Variants in EHD3 observed in about 807,000 individuals in gnomAD.
EHD3 encodes the protein EH domain-containing protein 3.
Under a neutral mutation model 43.0 loss-of-function variants are expected in EHD3, and 17 were observed. The observed-to-expected ratio is 0.40, with a 90% confidence interval of 0.27 to 0.59. The LOEUF is 0.59. Among genes scored for constraint, EHD3 ranks in the 20% least tolerant of loss-of-function variants. The probability of loss-of-function intolerance (pLI) is 0.49; values close to 1 mark genes in which losing one functional copy is unlikely to be tolerated. For synonymous variants in EHD3, 313 were observed against 289.5 expected (o/e 1.08, Z -0.82); for missense variants, 594 against 705.6 (o/e 0.84, Z 1.79).
At chr2:31,257,213 T>G (rs1362632536) in intron 3 of EHD3, among the ~76,000 whole-genome samples, 1 of 152,212 alleles carries the variant, frequency 6.6e-6, no homozygotes, top group African/African-American at 2.4e-5. Context: ...CTTAGCCCTC[T>G]GGCCCCTCCC....
chr2:31,250,117 C>T (rs907005614), intron 3 of EHD3, among the ~76,000 whole-genome samples: 2 of 122 alleles, frequency 0.016, no homozygotes, highest in Non-Finnish European at 0.029. Flanking sequence ...GCGGTGGGGG[C>T]GGGTGGGGTG....
chr2:31,266,761 T>TACACAC lies in EHD3; in HGVS notation c.*85_*90dup, dbSNP rs67643147. On this transcript the variant is annotated 3_prime_UTR_variant, in exon 6 of 6. Transcript: ENST00000322054. This position sits in a 1 kb window ranked among gnomAD's most constrained non-coding sequence, Gnocchi z 5.1. ...TAGAGGAGGAGATGGGAGCGGTGACTACACACACACACACACACACACACA... is the reference window on the plus strand; with the variant it reads ...TAGAGGAGGAGATGGGAGCGGTGACTACACACACACACACACACACACACACACACA... 42,056 of 1,175,668 alleles carry TACACAC rather than the reference T, an allele frequency of 0.036. 265 individuals are homozygous for TACACAC. Among genetic ancestry groups the TACACAC allele is most frequent in the African/African-American group, 0.047 (2,865 of 61,390 alleles). 72.8% of individuals were successfully genotyped at this position (1,175,668 alleles called of 1,614,324 possible).
chr2:31,265,916 T>A (rs1306263719), intron 5 of EHD3, among the ~76,000 whole-genome samples: 1 of 152,106 alleles, frequency 6.6e-6, no homozygotes, highest in African/African-American at 2.4e-5. Flanking sequence ...CTTGTTAAAT[T>A]TCCCTTTCTT....
rs1684008181 is a variant in EHD3, at chr2:31,269,201, T to C, written c.*2497T>C. ...GTCATGTCAGCCCCACAGACAAGAA[T>C]TTCTAGAGCACTTGTCCTGTTGTTC... On this transcript the variant is annotated 3_prime_UTR_variant, in exon 6 of 6. Transcript: ENST00000322054. 1 of 152,166 alleles carries C rather than the reference T, an allele frequency of 6.6e-6. No individual in the cohort carries two copies. The highest frequency in any genetic ancestry group is 1.5e-5 in the Non-Finnish European group (1 of 68,034). The allele number at this position is 152,166 out of a possible 1,614,324, so 9.4% of individuals were successfully genotyped here.
intron 3 of EHD3, among the ~76,000 whole-genome samples, chr2:31,259,163 A>G (rs1443715): frequency 0.68 from 102,871 of 152,018 alleles, 35,579 homozygotes; most frequent in East Asian, 0.88. Flanking sequence ...TTAGTACCCA[A>G]GAAAGGGCTC....
rs551785674 is a variant in EHD3, at chr2:31,268,008, A to C, written c.*1304A>C. Reference sequence around the variant, plus strand: ...CCTGTCCCTGCTCTGCCTCCCACCCAGTTGCCTGAATCATCCCAGCTCAGA... The same window carrying C: ...CCTGTCCCTGCTCTGCCTCCCACCCCGTTGCCTGAATCATCCCAGCTCAGA... On this transcript the variant is annotated 3_prime_UTR_variant, in exon 6 of 6. Coordinates refer to ENST00000322054, the MANE Select transcript of EHD3 (RefSeq NM_014600.3). The C allele has an allele frequency of 1.7e-4, 26 of 152,804 alleles. 1 individual carries two copies. The allele number at this position is 152,804 out of a possible 1,614,324, so 9.5% of individuals were successfully genotyped here. A position where few individuals can be genotyped will look rare whatever the true frequency, so the allele number is the denominator to read the frequency against.
chr2:31,249,123 A>G (rs1396822505), intron 2 of EHD3, among the ~76,000 whole-genome samples: 1 of 152,204 alleles, frequency 6.6e-6, no homozygotes, highest in African/African-American at 2.4e-5. Flanking sequence ...CTGGTCACAC[A>G]GCATTTTACC....
At position 31,268,532 on chromosome 2, in the gene EHD3, C is replaced by T. The variant is rs1024261986; in HGVS notation, c.*1828C>T. 13 of 152,246 alleles carry T rather than the reference C, an allele frequency of 8.5e-5. No homozygotes were observed. The highest frequency in any genetic ancestry group is 1.5e-4 in the Non-Finnish European group (10 of 68,068). The allele number at this position is 152,246 out of a possible 1,614,324, so 9.4% of individuals were successfully genotyped here. A position where few individuals can be genotyped will look rare whatever the true frequency, so the allele number is the denominator to read the frequency against. The stretch of plus-strand genomic sequence containing the variant: ...TGGCCAGCATCCACAACCAGCTTCC[C>T]AGTGGGCTGGAGTTTGTCTAGGCTC... On this transcript the variant is annotated 3_prime_UTR_variant, in exon 6 of 6. Transcript: ENST00000322054.
Position 31,266,795 on chromosome 2 carries a change from A to AC in EHD3, c.*91_*92insC. ...ACACACACACACACACACACACACA[A>AC]ACATGCACACACACATATGCATATC... On this transcript the variant is annotated 3_prime_UTR_variant, in exon 6 of 6. Transcript: ENST00000322054. The surrounding 1 kb of genome is among the most constrained non-coding windows in gnomAD (Gnocchi z 5.1). 7 of 1,034,822 alleles carry AC rather than the reference A, an allele frequency of 6.8e-6. No individual in the cohort carries two copies. Among genetic ancestry groups the AC allele is most frequent in the Non-Finnish European group, 9.5e-6 (7 of 738,572 alleles). 64.1% of individuals were successfully genotyped at this position (1,034,822 alleles called of 1,614,324 possible).
intron 2 of EHD3, among the ~76,000 whole-genome samples, chr2:31,248,339 G>T (rs1297383037): frequency 6.6e-6 from 1 of 152,152 alleles, no homozygotes; most frequent in Non-Finnish European, 1.5e-5. Context: ...TCCTCCTCCA[G>T]GAAGCCCTCC....
At chr2:31,257,698 C>A (rs917234525) in intron 3 of EHD3, among the ~76,000 whole-genome samples, 1 of 152,098 alleles carries the variant, frequency 6.6e-6, no homozygotes, top group Non-Finnish European at 1.5e-5. Flanking sequence ...GGCTAGGGGT[C>A]GTGTCTCATG....
chr2:31,234,620 C>G lies in EHD3; in HGVS notation c.-2C>G. 6.2e-7 allele frequency: 1 copy of G among 1,613,300 alleles called. No homozygotes were observed. Among genetic ancestry groups the G allele is most frequent in the Non-Finnish European group, 8.5e-7 (1 of 1,179,884 alleles). On this transcript the variant is annotated 5_prime_UTR_variant, in exon 1 of 6. Coordinates refer to ENST00000322054, the MANE Select transcript of EHD3 (RefSeq NM_014600.3). ...GCGTGCCGGGGGCGAGCGGCGGCCG[C>G]GATGTTCAGCTGGCTGGGTACGGAC...
In EHD3 at chr2:31,234,482, G is replaced by A. The variant is rs934709234; in HGVS notation, c.-140G>A. ...TCCCGGCCCTCCTAGCCGCGTGCCC[G>A]GGCCATGGTGCGGCTGAGCCCCGCG... is the stretch of plus-strand genomic sequence containing the variant. On this transcript the variant is annotated 5_prime_UTR_variant, in exon 1 of 6. Coordinates refer to ENST00000322054, the MANE Select transcript of EHD3 (RefSeq NM_014600.3). 7.5e-6 allele frequency: 7 copies of A among 927,280 alleles called. No homozygotes were observed. The African/African-American group carries it at 1.2e-4, about 15-fold the overall frequency. The allele number at this position is 927,280 out of a possible 1,614,324, so 57.4% of individuals were successfully genotyped here. A position where few individuals can be genotyped will look rare whatever the true frequency, so the allele number is the denominator to read the frequency against.
At chr2:31,259,975 C>T (rs1212266885) in intron 3 of EHD3, among the ~76,000 whole-genome samples, 9 of 152,094 alleles carry the variant, frequency 5.9e-5, no homozygotes, top group East Asian at 1.9e-4. Flanking sequence ...CCAAGGCAGG[C>T]GCATCACCTG....
chr2:31,244,146 G>A (rs865860977), intron 1 of EHD3, 128 bp from the exon 2 acceptor site: 24 of 785,834 alleles, frequency 3.1e-5, no homozygotes, highest in African/African-American at 8.5e-5. Flanking sequence ...CATTTCTCCC[G>A]GCCATGAGAT....
At chr2:31,263,423 A>T (rs1025112824) in intron 5 of EHD3, among the ~76,000 whole-genome samples, 1 of 152,176 alleles carries the variant, frequency 6.6e-6, no homozygotes, top group Non-Finnish European at 1.5e-5. Flanking sequence ...CTGAATCCAC[A>T]ATGTAAACAG....
At chr2:31,245,742 T>TG (rs1393265617) in intron 2 of EHD3, among the ~76,000 whole-genome samples, 1 of 141,894 alleles carries the variant, frequency 7.0e-6, no homozygotes, top group African/African-American at 2.6e-5. Flanking sequence ...TGTGTTTTTT[T>TG]TTTTTTTTTT....
rs1683946689 is a variant in EHD3, at chr2:31,266,156, C to G, written c.1081-21C>G. 6.3e-7 allele frequency: 1 copy of G among 1,592,832 alleles called. No individual in the cohort carries two copies. The highest frequency in any genetic ancestry group is 8.6e-7 in the Non-Finnish European group (1 of 1,166,922). On this transcript the variant is annotated intron_variant, in intron 5 of 5. Coordinates refer to ENST00000322054, the MANE Select transcript of EHD3 (RefSeq NM_014600.3). The surrounding 1 kb of genome is among the most constrained non-coding windows in gnomAD (Gnocchi z 5.1). Reference sequence around the variant, plus strand: ...TCCTTTCATCGTATCCTATCTTCATCCTCTCTCCTCCTCTTCCCAGGACCA... The same window carrying G: ...TCCTTTCATCGTATCCTATCTTCATGCTCTCTCCTCCTCTTCCCAGGACCA...
At chr2:31,262,049 TCA>T (rs1683868556) in intron 5 of EHD3, among the ~76,000 whole-genome samples, 1 of 152,164 alleles carries the variant, frequency 6.6e-6, no homozygotes. Context: ...GTGGGATGGG[TCA>T]CCTGACCAAG....
Sources: allele counts gnomAD v4.1 joint callset (sites outside exome capture counted in the v4.1 genomes callset), GRCh38; gene constraint gnomAD v4.1.1; non-coding constraint Gnocchi (gnomAD v3.1); transcripts MANE v1.5; gene names NCBI Gene and HGNC (gene_info 2026-07-23, HGNC 2026-07-21).